The following BTBD3 variants were observed in gnomAD, a reference collection of about 807,000 sequenced individuals.
BTBD3 encodes BTB/POZ domain-containing protein 3.
BTBD3 carries 14 observed loss-of-function variants against 41.6 expected under a neutral mutation model. The ratio of observed to expected loss-of-function variants is 0.34; its 90% CI spans 0.22 to 0.53. The LOEUF is 0.53. Among genes scored for constraint, BTBD3 ranks in the 20% least tolerant of loss-of-function variants. The pLI, the probability that BTBD3 is intolerant of heterozygous loss-of-function variation, is 0.95. For missense variants in BTBD3, 426 were observed against 654.7 expected (o/e 0.65, Z 3.81); for synonymous variants, 249 against 233.7 (o/e 1.07, Z -0.60).
chr20:11,893,422 C>T (rs906711153), intron 1 of BTBD3, among the ~76,000 whole-genome samples: 1 of 152,188 alleles, frequency 6.6e-6, no homozygotes, highest in Non-Finnish European at 1.5e-5. Context: ...GTGGAAACCC[C>T]TATCATGTGA....
Position 11,923,768 on chromosome 20 carries a change from T to C in BTBD3, c.*102T>C, listed in dbSNP as rs2056993042. The C allele has an allele frequency of 2.6e-6, 3 of 1,154,324 alleles. No homozygotes were observed. The highest frequency in any genetic ancestry group is 4.7e-5 in the East Asian group (2 of 42,192). 71.5% of individuals were successfully genotyped at this position (1,154,324 alleles called of 1,614,324 possible). On this transcript the variant is annotated 3_prime_UTR_variant, in exon 4 of 4. Coordinates refer to ENST00000378226, the MANE Select transcript of BTBD3 (RefSeq NM_014962.4). This position sits in a 1 kb window ranked among gnomAD's most constrained non-coding sequence, Gnocchi z 5.3. ...AAATATGTGATCAGTGCCGGTAATT[T>C]GTAATGAATGAAGCGGTAGGCAGGT...
intron 1 of BTBD3, chr20:11,891,040 G>C: frequency 6.5e-6 from 6 of 923,448 alleles, no homozygotes; most frequent in Non-Finnish European, 7.7e-6. Flanking sequence ...CGCGCCCTGC[G>C]GCCGGCCGGA....
chr20:11,925,262 C>T lies in BTBD3; in HGVS notation c.*1596C>T, dbSNP rs2057009234. 1 of 152,732 alleles carries T rather than the reference C, an allele frequency of 6.5e-6. No individual in the cohort carries two copies. The highest frequency in any genetic ancestry group is 1.5e-5 in the Non-Finnish European group (1 of 68,116). The allele number at this position is 152,732 out of a possible 1,614,324, so 9.5% of individuals were successfully genotyped here. On this transcript the variant is annotated 3_prime_UTR_variant, in exon 4 of 4. Transcript: ENST00000378226. ...TTTGCCAGCTCAGGAGCTGTCTCCT[C>T]TCTACCTGGCTAGTAAGAGGTGGGA...
chr20:11,898,004 A>G (rs987855799), intron 1 of BTBD3, among the ~76,000 whole-genome samples: 1 of 152,074 alleles, frequency 6.6e-6, no homozygotes, highest in African/African-American at 2.4e-5. Context: ...CTAAAAATAC[A>G]AAAATTAGCC....
chr20:11,897,876 G>C (rs1320280707), intron 1 of BTBD3, among the ~76,000 whole-genome samples: 1 of 152,142 alleles, frequency 6.6e-6, no homozygotes, highest in Non-Finnish European at 1.5e-5. Context: ...TACATGATCT[G>C]GGCCGGGCAT....
At chr20:11,916,802 G>A (rs570269045), upstream of BTBD3, among the ~76,000 whole-genome samples, 3 of 152,262 alleles carry the variant, frequency 2.0e-5, no homozygotes, top group African/African-American at 7.2e-5. Context: ...TTGAACAAAT[G>A]AGCGTGATCC....
In BTBD3 at chr20:11,923,392, G is replaced by A. The variant is rs1172866915; in HGVS notation, c.1295G>A (p.Gly432Asp). The A allele has an allele frequency of 6.2e-7, 1 of 1,614,218 alleles. No individual in the cohort carries two copies. Among genetic ancestry groups the A allele is most frequent in the Non-Finnish European group, 8.5e-7 (1 of 1,180,032 alleles). The change falls in exon 4 of 4, where the codon GGC (glycine) becomes GAC (aspartate). Residue 432 changes from glycine (G) to aspartate (D), a missense_variant. Physicochemically the swap from Gly to Asp is moderately conservative, Grantham distance 94. Around this residue, in one of 3 missense-constraint regions of BTBD3, gnomAD observed 321 missense variants for 534.8 expected, o/e 0.60. Coordinates refer to ENST00000378226, the MANE Select transcript of BTBD3 (RefSeq NM_014962.4). This position sits in a 1 kb window ranked among gnomAD's most constrained non-coding sequence, Gnocchi z 5.3. ...GCCAAGATTGAACTTAAGCGGCAGG[G>A]CGTTGTCCTGGGGCAGAACTTGAGC... ...YSAKIELKRQ[G>D]VVLGQNLSKY...
chr20:11,901,544 TA>T (rs1295305039), intron 1 of BTBD3, among the ~76,000 whole-genome samples: 2 of 152,246 alleles, frequency 1.3e-5, no homozygotes, highest in African/African-American at 4.8e-5. Flanking sequence ...TTTATTTATT[TA>T]AATTAGTAGA....
At chr20:11,893,398 A>G (rs567647206) in intron 1 of BTBD3, among the ~76,000 whole-genome samples, 6 of 152,340 alleles carry the variant, frequency 3.9e-5, no homozygotes, top group African/African-American at 1.4e-4. Context: ...ATTTACTGTG[A>G]GAAAGGAATA....
chr20:11,924,665 G>C lies in BTBD3; in HGVS notation c.*999G>C, dbSNP rs1199164819. The C allele has an allele frequency of 2.0e-5, 3 of 152,564 alleles. No homozygotes were observed. Among genetic ancestry groups the C allele is most frequent in the Non-Finnish European group, 4.4e-5 (3 of 68,022 alleles). 9.5% of individuals were successfully genotyped at this position (152,564 alleles called of 1,614,324 possible). A position where few individuals can be genotyped will look rare whatever the true frequency, so the allele number is the denominator to read the frequency against. On this transcript the variant is annotated 3_prime_UTR_variant, in exon 4 of 4. Coordinates refer to ENST00000378226, the MANE Select transcript of BTBD3 (RefSeq NM_014962.4). ...CTTTATACAAATGGAGTAGCAACTA[G>C]TTTTGTAGCACTACATTTAATGTAA...
intron 1 of BTBD3, among the ~76,000 whole-genome samples, chr20:11,892,757 G>C (rs899579058): frequency 2.6e-5 from 4 of 151,986 alleles, no homozygotes; most frequent in African/African-American, 2.4e-5. Flanking sequence ...TCTTGGAGGT[G>C]CACATGCCTA....
At chr20:11,906,254 C>CTTTT (rs3071747) in intron 1 of BTBD3, among the ~76,000 whole-genome samples, 3,191 of 35,906 alleles carry the variant, frequency 0.089, 802 homozygotes, top group Non-Finnish European at 0.14. Context: ...ATTATTACTC[C>CTTTT]TTTTTTTTTT....
At chr20:11,919,265 C>CCGAT in intron 2 of BTBD3, 89 bp downstream of exon 2, 1 of 1,394,204 alleles carries the variant, frequency 7.2e-7, no homozygotes. Flanking sequence ...GGGCAGCTTG[C>CCGAT]CGATGTCAGG....
At chr20:11,913,508 A>G (rs2056901428), upstream of BTBD3, 2 of 152,222 alleles carry the variant, frequency 1.3e-5, no homozygotes, top group Admixed American at 6.5e-5. Flanking sequence ...AAATATGACA[A>G]TTGAGCATTC....
intron 1 of BTBD3, among the ~76,000 whole-genome samples, chr20:11,900,039 T>G (rs2056814536): frequency 6.6e-6 from 1 of 152,214 alleles, no homozygotes; most frequent in African/African-American, 2.4e-5. Context: ...CTCTCCTTAA[T>G]TTTTCTATGA....
Position 11,923,885 on chromosome 20 carries a change from A to C in BTBD3, c.*219A>C, listed in dbSNP as rs2056994565. ...CTTAAAAGAGCTAACGTTCTTATTA[A>C]GGCTTTGTGGTTTTTAGAGTTGCAT... On this transcript the variant is annotated 3_prime_UTR_variant, in exon 4 of 4. Transcript: ENST00000378226. The surrounding 1 kb of genome is among the most constrained non-coding windows in gnomAD (Gnocchi z 5.3). 4 of 503,096 alleles carry C rather than the reference A, an allele frequency of 8.0e-6. No individual in the cohort carries two copies. The highest frequency in any genetic ancestry group is 1.4e-5 in the Non-Finnish European group (4 of 289,970). 31.2% of individuals were successfully genotyped at this position (503,096 alleles called of 1,614,324 possible).
In BTBD3 at chr20:11,923,724, T is replaced by C; in HGVS notation, c.*58T>C. The C allele has an allele frequency of 1.4e-6, 2 of 1,474,168 alleles. No individual in the cohort carries two copies. The highest frequency in any genetic ancestry group is 1.8e-6 in the Non-Finnish European group (2 of 1,087,078). 91.3% of individuals were successfully genotyped at this position (1,474,168 alleles called of 1,614,324 possible). On this transcript the variant is annotated 3_prime_UTR_variant, in exon 4 of 4. Transcript: ENST00000378226. This position sits in a 1 kb window ranked among gnomAD's most constrained non-coding sequence, Gnocchi z 5.3. ...AGTGCACATCTGGTTCCAACTTGCC[T>C]GATGCTTAGCTCATCTGCAAATATG...
At chr20:11,919,974 T>G in intron 3 of BTBD3, 138 bp downstream of exon 3, 1 of 751,844 alleles carries the variant, frequency 1.3e-6, no homozygotes, top group Non-Finnish European at 2.3e-6. Flanking sequence ...CTTGTAAATG[T>G]TTTCGGAAAA....
intron 1 of BTBD3, among the ~76,000 whole-genome samples, chr20:11,900,697 G>A (rs2056818513): frequency 7.1e-6 from 1 of 140,304 alleles, no homozygotes; most frequent in South Asian, 2.3e-4. Flanking sequence ...ATATAATAAA[G>A]TCCACCTACT....
Sources: allele counts gnomAD v4.1 joint callset (sites outside exome capture counted in the v4.1 genomes callset), GRCh38; gene constraint gnomAD v4.1.1; regional missense constraint gnomAD v4.1.1; non-coding constraint Gnocchi (gnomAD v3.1); transcripts MANE v1.5; gene names NCBI Gene and HGNC (gene_info 2026-07-23, HGNC 2026-07-21).